C11orf65: variants seen among roughly 807,000 people sequenced by gnomAD.
C11orf65 encodes protein MFI.
A neutral mutation model predicts 35.3 loss-of-function variants in C11orf65; 38 were observed. That is an observed-to-expected ratio of 1.08 (90% CI 0.83 to 1.41). The LOEUF (loss-of-function observed/expected upper bound fraction) is 1.41. C11orf65 is among the 40% of genes most tolerant of loss of function. C11orf65 has a pLI of 0.00. For synonymous variants in C11orf65, 105 were observed against 114.4 expected, an observed-to-expected ratio of 0.92 and a Z score of 0.53; for missense variants, 370 against 367.1, an observed-to-expected ratio of 1.01 and a Z score of -0.06.
At chr11:108,431,417 A>G (rs2092988345) in intron 3 of C11orf65, among the ~76,000 whole-genome samples, 1 of 152,230 alleles carries the variant, frequency 6.6e-6, no homozygotes, top group Non-Finnish European at 1.5e-5. Flanking sequence ...TTCTATTTAT[A>G]TACAGTTCAA....
chr11:108,351,826 A>G (rs1277594433), intron 2 of C11orf65, among the ~76,000 whole-genome samples: 1 of 152,188 alleles, frequency 6.6e-6, no homozygotes. Flanking sequence ...GGCCTTTGCA[A>G]TGTATCATTT....
chr11:108,332,771 G>C (rs2086405495), intron 3 of C11orf65: 1 of 1,612,820 alleles, frequency 6.2e-7, no homozygotes, highest in African/African-American at 1.3e-5. Context: ...GGATCGAACA[G>C]AGGCTGCAAA....
In C11orf65 at chr11:108,317,263, T is replaced by C. The variant is rs146793116; in HGVS notation, c.641-8192A>G. ...TGATATTTTGGGATTTTAAATGATA[T>C]TGTGAACTAAAATTTGTCTAAGTTA... On this transcript the variant is annotated intron_variant, in intron 6 of 6. Transcript: ENST00000525729. 7.2e-3 allele frequency: 8,462 copies of C among 1,177,382 alleles called. 48 individuals are homozygous for C. Among genetic ancestry groups the C allele is most frequent in the Non-Finnish European group, 9.4e-3 (7,720 of 817,858 alleles). 72.9% of individuals were successfully genotyped at this position (1,177,382 alleles called of 1,614,324 possible). A position where few individuals can be genotyped will look rare whatever the true frequency, so the allele number is the denominator to read the frequency against.
At chr11:108,448,814 T>C (rs568117625) in intron 2 of C11orf65, among the ~76,000 whole-genome samples, 1 of 152,224 alleles carries the variant, frequency 6.6e-6, no homozygotes, top group African/African-American at 2.4e-5. Context: ...AAATAAAGGG[T>C]ATTCAATTAG....
At chr11:108,315,985 G>T (rs2136125534) in intron 6 of C11orf65, 1 of 1,612,676 alleles carries the variant, frequency 6.2e-7, no homozygotes, top group Non-Finnish European at 8.5e-7. Context: ...AAAACCCAAA[G>T]CTATTTTCAC....
chr11:108,373,403 T>C (rs989847930), intron 2 of C11orf65, among the ~76,000 whole-genome samples: 1 of 152,228 alleles, frequency 6.6e-6, no homozygotes, highest in African/African-American at 2.4e-5. Context: ...AAACCTTGGT[T>C]ATCTCCAAAG....
At chr11:108,321,495 A>T (rs1055471577) in intron 6 of C11orf65, 2 of 1,603,328 alleles carry the variant, frequency 1.2e-6, no homozygotes, top group South Asian at 2.2e-5. Context: ...AAAAATAAAA[A>T]CTATAGGCCG....
At chr11:108,359,133 AG>A (rs2090399740) in intron 2 of C11orf65, among the ~76,000 whole-genome samples, 2 of 150,654 alleles carry the variant, frequency 1.3e-5, no homozygotes, top group African/African-American at 4.9e-5. Flanking sequence ...AAAAAAAGGC[AG>A]GGGTTGCAAT....
intron 6 of C11orf65, chr11:108,310,051 T>C: frequency 8.4e-7 from 1 of 1,188,688 alleles, no homozygotes; most frequent in Non-Finnish European, 1.2e-6. Flanking sequence ...TTTGGGAATT[T>C]GTAATTTTCT....
chr11:108,415,452 A>C (rs2138803830), intron 3 of C11orf65, among the ~76,000 whole-genome samples: 1 of 152,332 alleles, frequency 6.6e-6, no homozygotes, highest in South Asian at 2.1e-4. Context: ...GAAGGAAATC[A>C]AAGAAGATTT....
At chr11:108,309,344 T>C (rs546374194) in intron 6 of C11orf65, among the ~76,000 whole-genome samples, 4 of 152,314 alleles carry the variant, frequency 2.6e-5, no homozygotes, top group Admixed American at 6.5e-5. Flanking sequence ...AAATTAACTT[T>C]AGTTGAGTGC....
chr11:108,317,553 G>A lies in C11orf65; in HGVS notation c.641-8482C>T, dbSNP rs1196686007. On this transcript the variant is annotated intron_variant, in intron 6 of 6. Transcript: ENST00000525729. ...AATTTGACTTGATTTTTTTTTTTTT[G>A]CCTCTCTCCTCATTCTAAACAACAA... 5 of 1,455,584 alleles carry A rather than the reference G, an allele frequency of 3.4e-6. No homozygotes were observed. In the South Asian group the frequency reaches 5.7e-5, roughly 17 times the overall value. The allele number at this position is 1,455,584 out of a possible 1,614,324, so 90.2% of individuals were successfully genotyped here. A position where few individuals can be genotyped will look rare whatever the true frequency, so the allele number is the denominator to read the frequency against.
downstream of C11orf65, chr11:108,329,152 A>G (rs786201881): frequency 3.1e-6 from 5 of 1,613,990 alleles, no homozygotes; most frequent in South Asian, 2.2e-5. Flanking sequence ...ACATGAAATC[A>G]TCGGAATTTG....
chr11:108,354,757 G>A (rs2137339360), intron 2 of C11orf65: 1 of 1,443,720 alleles, frequency 6.9e-7, no homozygotes, highest in South Asian at 1.1e-5. Context: ...ATAAAGATAC[G>A]TTGACAACAT....
At chr11:108,454,982 C>T (rs776261799) in intron 2 of C11orf65, among the ~76,000 whole-genome samples, 48 of 151,980 alleles carry the variant, frequency 3.2e-4, no homozygotes, top group Non-Finnish European at 6.2e-4. Context: ...TGAGATCTTT[C>T]TTGTTTTGTG....
At chr11:108,357,138 G>C (rs372707035) in intron 2 of C11orf65, among the ~76,000 whole-genome samples, 1 of 152,242 alleles carries the variant, frequency 6.6e-6, no homozygotes, top group South Asian at 2.1e-4. Context: ...CTTGGGAAGC[G>C]CAAGGGTCAG....
intron 7 of C11orf65, among the ~76,000 whole-genome samples, chr11:108,391,369 C>T: frequency 6.6e-6 from 1 of 152,098 alleles, no homozygotes; most frequent in Admixed American, 6.6e-5. Context: ...GTGGCTCCAC[C>T]ACCATAATGA....
chr11:108,343,159 A>G, intron 2 of C11orf65: 1 of 1,600,304 alleles, frequency 6.2e-7, no homozygotes, highest in South Asian at 1.1e-5. Flanking sequence ...TGATAGCTGA[A>G]TGATCATCAA....
intron 6 of C11orf65, among the ~76,000 whole-genome samples, chr11:108,402,684 A>G (rs972604248): frequency 1.3e-5 from 2 of 152,176 alleles, no homozygotes; most frequent in African/African-American, 2.4e-5. Flanking sequence ...ACAATAAAAA[A>G]TAAATCTATC....
Sources: gnomAD v4.1 joint callset for allele counts (sites outside exome capture counted in the v4.1 genomes callset) on GRCh38, gnomAD v4.1.1 for gene constraint, MANE v1.5 for transcripts, NCBI Gene and HGNC (gene_info 2026-07-23, HGNC 2026-07-21) for gene names.